Variants in PCDHGA1 observed in about 807,000 individuals in gnomAD.
The protein encoded by PCDHGA1 is protocadherin gamma-A1.
Under a neutral mutation model 58.0 loss-of-function variants are expected in PCDHGA1, and 32 were observed. The observed-to-expected ratio is 0.55, with a 90% CI of 0.42 to 0.74. The LOEUF is 0.74. PCDHGA1 is among the 30% of genes least tolerant of loss of function. The probability of loss-of-function intolerance (pLI) is 0.00; values close to 1 mark genes in which losing one functional copy is unlikely to be tolerated. For synonymous variants in PCDHGA1, 498 were observed against 501.1 expected (o/e 0.99, Z 0.08); for missense variants, 1,205 against 1,182.3 (o/e 1.02, Z -0.28).
intron 1 of PCDHGA1, among the ~76,000 whole-genome samples, chr5:141,445,447 A>G (rs974383838): frequency 3.4e-4 from 51 of 152,222 alleles, no homozygotes; most frequent in Admixed American, 1.3e-3. Flanking sequence ...TGGACTAAGG[A>G]TGCAGCAATG....
Position 141,427,885 on chromosome 5 carries a change from ACCAGGGCTCGC to A in PCDHGA1, c.2422-66919_2422-66909del, listed in dbSNP as rs772694818. 4 of 1,565,134 alleles carry A rather than the reference ACCAGGGCTCGC, an allele frequency of 2.6e-6. No homozygotes were observed. In the East Asian group the frequency reaches 6.7e-5, roughly 26 times the overall value. ...TTCGAGCTCACGATGCAGGCCCACGACCAGGGCTCGCCCGCGCTCAGCGCCAACATGAGCCG... is the reference window on the plus strand; with the variant it reads ...TTCGAGCTCACGATGCAGGCCCACGACCGCGCTCAGCGCCAACATGAGCCG... On this transcript the variant is annotated intron_variant, in intron 1 of 3. Coordinates refer to ENST00000517417, the MANE Select transcript of PCDHGA1 (RefSeq NM_018912.3).
chr5:141,431,674 G>A lies in PCDHGA1; in HGVS notation c.2422-63133G>A, dbSNP rs756385496. ...ATTCAGGGACAATATCAACAATAGG[G>A]GAGTTGGACCACGAGGAGTCAGGAT... On this transcript the variant is annotated intron_variant, in intron 1 of 3. Transcript: ENST00000517417. The surrounding 1 kb of genome is among the most constrained non-coding windows in gnomAD (Gnocchi z 4.8). 4 of 1,614,234 alleles carry A rather than the reference G, an allele frequency of 2.5e-6. No individual in the cohort carries two copies. The Admixed American group carries it at 6.7e-5, about 27-fold the overall frequency.
At chr5:141,356,349 A>G in intron 1 of PCDHGA1, 2 of 1,555,872 alleles carry the variant, frequency 1.3e-6, no homozygotes, top group Non-Finnish European at 1.7e-6. Context: ...GCCTAGTCAC[A>G]TGTTCTATTC....
Position 141,476,264 on chromosome 5 carries a change from G to C in PCDHGA1, c.2422-18543G>C, listed in dbSNP as rs753184649. The C allele has an allele frequency of 6.2e-7, 1 of 1,614,082 alleles. No individual in the cohort carries two copies. Among genetic ancestry groups the C allele is most frequent in the Non-Finnish European group, 8.5e-7 (1 of 1,180,010 alleles). On this transcript the variant is annotated intron_variant, in intron 1 of 3. Transcript: ENST00000517417. This position sits in a 1 kb window ranked among gnomAD's most constrained non-coding sequence, Gnocchi z 7.6. ...AGAGAAGGGTTTCGCTGTGGGCAAC[G>C]TGGTCGCGAACCTTGGTTTGGATCT...
chr5:141,376,151 A>T lies in PCDHGA1; in HGVS notation c.2421+43046A>T. ...CGCCAAACCCAACGATTCGGACCTC[A>T]CTCTGTACCTGGTGGTGGCGGTGGC... On this transcript the variant is annotated intron_variant, in intron 1 of 3. Coordinates refer to ENST00000517417, the MANE Select transcript of PCDHGA1 (RefSeq NM_018912.3). The T allele has an allele frequency of 1.9e-6, 3 of 1,612,748 alleles. No individual in the cohort carries two copies. In the South Asian group the frequency reaches 3.3e-5, roughly 18 times the overall value.
intron 1 of PCDHGA1, chr5:141,399,485 A>G (rs760899297): frequency 4.7e-5 from 76 of 1,613,904 alleles, no homozygotes; most frequent in Non-Finnish European, 6.1e-5. Context: ...CAGGCGTCCT[A>G]CTTAGTCAGT....
At chr5:141,416,674 G>A (rs547618174) in intron 1 of PCDHGA1, 1 of 152,250 alleles carries the variant, frequency 6.6e-6, no homozygotes, top group South Asian at 2.1e-4. Flanking sequence ...TATATGCAAC[G>A]AAGGGAAATT....
chr5:141,507,846 T>G (rs892503210), intron 3 of PCDHGA1, among the ~76,000 whole-genome samples: 1 of 152,134 alleles, frequency 6.6e-6, no homozygotes, highest in African/African-American at 2.4e-5. Context: ...CAGGCCCTGC[T>G]CTCACTTTCA....
chr5:141,461,286 C>T (rs2099012487), intron 1 of PCDHGA1, among the ~76,000 whole-genome samples: 1 of 152,144 alleles, frequency 6.6e-6, no homozygotes, highest in Admixed American at 6.6e-5. Context: ...TTCCCCACAT[C>T]CACACCAACA....
At position 141,489,577 on chromosome 5, in the gene PCDHGA1, C is replaced by A. The variant is rs918238376; in HGVS notation, c.2422-5230C>A. The stretch of plus-strand genomic sequence containing the variant: ...GCCAGTGCAGGTGGTGACTGAACAC[C>A]CCCTGGAGCTAATCCGTGTAGAGGT... On this transcript the variant is annotated intron_variant, in intron 1 of 3. Coordinates refer to ENST00000517417, the MANE Select transcript of PCDHGA1 (RefSeq NM_018912.3). This position sits in a 1 kb window ranked among gnomAD's most constrained non-coding sequence, Gnocchi z 4.5. The A allele has an allele frequency of 6.2e-7, 1 of 1,613,894 alleles. No individual in the cohort carries two copies. The highest frequency in any genetic ancestry group is 8.5e-7 in the Non-Finnish European group (1 of 1,180,000).
rs778564034 is a variant in PCDHGA1 at position 141,384,738 on chromosome 5, GC to G, written c.2421+51635del. ...CATACCTCCTGCTTAAGGCCAGCGA[GC>G]CAGGACTCTTTGCGGTTGGGCTGTA... On this transcript the variant is annotated intron_variant, in intron 1 of 3. Coordinates refer to ENST00000517417, the MANE Select transcript of PCDHGA1 (RefSeq NM_018912.3). 10 of 1,614,098 alleles carry G rather than the reference GC, an allele frequency of 6.2e-6. No individual in the cohort carries two copies. The East Asian group carries it at 2.2e-4, about 36-fold the overall frequency.
rs1266306917 is a variant in PCDHGA1 at position 141,403,005 on chromosome 5, C to A, written c.2421+69900C>A. ...CGCGGAAGATTAGTCCTGCTATGCTCGCTCCTGGGGATGCTATGGGAGGCC... is the reference window on the plus strand; with the variant it reads ...CGCGGAAGATTAGTCCTGCTATGCTAGCTCCTGGGGATGCTATGGGAGGCC... On this transcript the variant is annotated intron_variant, in intron 1 of 3. Transcript: ENST00000517417. The A allele has an allele frequency of 2.5e-6, 4 of 1,613,960 alleles. No homozygotes were observed. The East Asian group carries it at 8.9e-5, about 36-fold the overall frequency.
rs557167321 is a variant in PCDHGA1 at position 141,352,806 on chromosome 5, A to G, written c.2421+19701A>G. 4.4e-4 allele frequency: 383 copies of G among 875,296 alleles called. No individual in the cohort carries two copies. In the East Asian group the frequency reaches 5.9e-3, roughly 14 times the overall value. 54.2% of individuals were successfully genotyped at this position (875,296 alleles called of 1,614,324 possible). A position where few individuals can be genotyped will look rare whatever the true frequency, so the allele number is the denominator to read the frequency against. On this transcript the variant is annotated intron_variant, in intron 1 of 3. Coordinates refer to ENST00000517417, the MANE Select transcript of PCDHGA1 (RefSeq NM_018912.3). ...GGAGTTTGAGACCAGCATAGCCAAG[A>G]TGGTAAAACCCGGTCTACTAAAATT...
At chr5:141,427,146 AAT>A (rs1561826638) in intron 1 of PCDHGA1, 1 of 456,990 alleles carries the variant, frequency 2.2e-6, no homozygotes, top group Non-Finnish European at 4.4e-6. Context: ...TGATATTGGA[AAT>A]ATGTTTGTGC....
chr5:141,409,149 C>T (rs1248646625), intron 1 of PCDHGA1: 1 of 1,613,948 alleles, frequency 6.2e-7, no homozygotes, highest in Non-Finnish European at 8.5e-7. Context: ...GAAAGGTACA[C>T]CATGGAAGTG....
intron 1 of PCDHGA1, chr5:141,430,861 A>C: frequency 6.3e-7 from 1 of 1,592,834 alleles, no homozygotes; most frequent in Middle Eastern, 1.7e-4. Flanking sequence ...TACGCTATTC[A>C]GTTCCGGAAG....
intron 1 of PCDHGA1, chr5:141,419,395 G>A: frequency 6.2e-7 from 1 of 1,613,596 alleles, no homozygotes; most frequent in Non-Finnish European, 8.5e-7. Context: ...CGCAGAGCGG[G>A]GTGGTGTTCG....
At chr5:141,375,865 GGACA>G in intron 1 of PCDHGA1, 2 of 1,613,976 alleles carry the variant, frequency 1.2e-6, no homozygotes. Context: ...TGGTGGCGGT[GGACA>G]GAGACTCGGG....
rs1185679701 is a variant in PCDHGA1, at chr5:141,511,384, G to A, written c.*211G>A. On this transcript the variant is annotated 3_prime_UTR_variant, in exon 4 of 4. Coordinates refer to ENST00000517417, the MANE Select transcript of PCDHGA1 (RefSeq NM_018912.3). ...TTGAATATGCAAAAGCAGTTCCGCT[G>A]GGAACCCCCATCCAATCAACTGCTG... is the stretch of plus-strand genomic sequence containing the variant. 3.5e-6 allele frequency: 4 copies of A among 1,154,490 alleles called. No homozygotes were observed. Among genetic ancestry groups the A allele is most frequent in the Admixed American group, 2.9e-5 (1 of 34,748 alleles). 71.5% of individuals were successfully genotyped at this position (1,154,490 alleles called of 1,614,324 possible). A position where few individuals can be genotyped will look rare whatever the true frequency, so the allele number is the denominator to read the frequency against.
Sources: allele counts gnomAD v4.1 joint callset (sites outside exome capture counted in the v4.1 genomes callset), GRCh38; gene constraint gnomAD v4.1.1; non-coding constraint Gnocchi (gnomAD v3.1); transcripts MANE v1.5; gene names NCBI Gene and HGNC (gene_info 2026-07-23, HGNC 2026-07-21).